GOLGA3: variants seen among roughly 807,000 people sequenced by gnomAD.
GOLGA3 encodes golgin subfamily A member 3.
Under a neutral mutation model 169.4 loss-of-function variants are expected in GOLGA3, and 75 were observed. The observed-to-expected ratio is 0.44, with a 90% CI of 0.37 to 0.54. The LOEUF (loss-of-function observed/expected upper bound fraction) is 0.54, where lower values mean the gene tolerates loss of function less well. Among genes scored for constraint, GOLGA3 ranks in the 20% least tolerant of loss-of-function variants. The pLI, the probability that GOLGA3 is intolerant of heterozygous loss-of-function variation, is 0.00. For missense variants in GOLGA3, 1,899 were observed against 1,930.0 expected (o/e 0.98, Z 0.30); for synonymous variants, 824 against 822.4 (o/e 1.00, Z -0.03).
chr12:132,822,222 T>C lies in GOLGA3; in HGVS notation c.-94A>G. ...GCCATCAGCAACAGCCAAGAGCTCCTGGGAGGGGCCCTACTGTGTCTCCCA... is the reference window on the plus strand; with the variant it reads ...GCCATCAGCAACAGCCAAGAGCTCCCGGGAGGGGCCCTACTGTGTCTCCCA... On this transcript the variant is annotated 5_prime_UTR_variant, in exon 2 of 24. Transcript: ENST00000450791. 6.7e-7 allele frequency: 1 copy of C among 1,487,102 alleles called. No individual in the cohort carries two copies. The highest frequency in any genetic ancestry group is 8.8e-7 in the Non-Finnish European group (1 of 1,130,160). 92.1% of individuals were successfully genotyped at this position (1,487,102 alleles called of 1,614,324 possible).
At chr12:132,826,083 T>A in intron 1 of GOLGA3, 1 of 1,446,478 alleles carries the variant, frequency 6.9e-7, no homozygotes, top group East Asian at 2.3e-5. Flanking sequence ...ATCGTCACAG[T>A]GGGCGAGTGC....
At chr12:132,788,183 A>G (rs1022631011) in intron 13 of GOLGA3, among the ~76,000 whole-genome samples, 1 of 151,994 alleles carries the variant, frequency 6.6e-6, no homozygotes, top group African/African-American at 2.4e-5. Flanking sequence ...TCACTTTCCA[A>G]CAATGATGGT....
chr12:132,780,140 G>A (rs1273404060), intron 18 of GOLGA3, among the ~76,000 whole-genome samples: 15 of 124,118 alleles, frequency 1.2e-4, no homozygotes, highest in Admixed American at 1.1e-3. Context: ...CCAGGCACAC[G>A]TGTGTACAGA....
In GOLGA3 at chr12:132,772,934, C is replaced by T. The variant is rs917016429; in HGVS notation, c.*171G>A. 1.8e-5 allele frequency: 10 copies of T among 542,320 alleles called. No homozygotes were observed. Among genetic ancestry groups the T allele is most frequent in the South Asian group, 1.2e-4 (5 of 40,126 alleles). The allele number at this position is 542,320 out of a possible 1,614,324, so 33.6% of individuals were successfully genotyped here. A position where few individuals can be genotyped will look rare whatever the true frequency, so the allele number is the denominator to read the frequency against. On this transcript the variant is annotated 3_prime_UTR_variant, in exon 24 of 24. Transcript: ENST00000450791. Reference sequence around the variant, plus strand: ...CATGTGAAAAGCTAATTGTGATCTTCGAATGTTTTTCTAGTCCTTGGCTCT... The same window carrying T: ...CATGTGAAAAGCTAATTGTGATCTTTGAATGTTTTTCTAGTCCTTGGCTCT...
intron 1 of GOLGA3, among the ~76,000 whole-genome samples, chr12:132,826,432 T>C (rs1176440660): frequency 6.6e-6 from 1 of 151,754 alleles, no homozygotes; most frequent in East Asian, 1.9e-4. Flanking sequence ...CGCCTGGGCC[T>C]TACACTGACC....
At chr12:132,793,952 C>G (rs1278193914) in intron 11 of GOLGA3, among the ~76,000 whole-genome samples, 2 of 152,194 alleles carry the variant, frequency 1.3e-5, no homozygotes, top group African/African-American at 2.4e-5. Context: ...CATGCAAATC[C>G]TAGTTATCAC....
chr12:132,771,840 G>A lies in GOLGA3; in HGVS notation c.*1265C>T, dbSNP rs1449402394. The A allele has an allele frequency of 6.7e-6, 1 of 148,570 alleles. No homozygotes were observed. The highest frequency in any genetic ancestry group is 1.5e-5 in the Non-Finnish European group (1 of 65,522). The allele number at this position is 148,570 out of a possible 1,614,324, so 9.2% of individuals were successfully genotyped here. A position where few individuals can be genotyped will look rare whatever the true frequency, so the allele number is the denominator to read the frequency against. On this transcript the variant is annotated 3_prime_UTR_variant, in exon 24 of 24. Coordinates refer to ENST00000450791, the MANE Select transcript of GOLGA3 (RefSeq NM_001389683.1). ...GCGGGAGTCGCTGCAGGGAGCCCCT[G>A]GTCTGCTCTCCTCCTCCTCCTCCAC...
intron 7 of GOLGA3, among the ~76,000 whole-genome samples, chr12:132,802,969 C>T (rs1280569550): frequency 3.3e-5 from 5 of 152,160 alleles, no homozygotes; most frequent in African/African-American, 4.8e-5. Flanking sequence ...GCAGGAGAAT[C>T]GCTTGAACCT....
intron 20 of GOLGA3, 52 bp from the exon 21 acceptor site, chr12:132,776,808 C>A: frequency 6.2e-7 from 1 of 1,600,398 alleles, no homozygotes. Context: ...GGCTTTACTG[C>A]CCTGGAAAAT....
At chr12:132,784,025 G>A in intron 16 of GOLGA3, 139 bp downstream of exon 16, 8 of 1,524,122 alleles carry the variant, frequency 5.2e-6, no homozygotes, top group Non-Finnish European at 7.0e-6. Context: ...GAGGCCGACG[G>A]TCAGAAGGTG....
intron 8 of GOLGA3, among the ~76,000 whole-genome samples, chr12:132,801,490 A>G (rs1949124190): frequency 6.6e-6 from 1 of 152,108 alleles, no homozygotes; most frequent in South Asian, 2.1e-4. Context: ...ATGAGGATTC[A>G]CCGGCATGTG....
chr12:132,784,098 G>A, intron 16 of GOLGA3, 66 bp downstream of exon 16: 5 of 1,597,390 alleles, frequency 3.1e-6, no homozygotes, highest in Non-Finnish European at 4.2e-6. Context: ...TCTCACGCGT[G>A]GCGGCATGTC....
At chr12:132,816,866 G>A (rs1305391343) in intron 2 of GOLGA3, 54 bp from the exon 3 acceptor site, 68 of 1,475,056 alleles carry the variant, frequency 4.6e-5, no homozygotes, top group Non-Finnish European at 5.7e-5. Context: ...AGGTGACGTC[G>A]CTTTTCAGAC....
intron 17 of GOLGA3, among the ~76,000 whole-genome samples, chr12:132,781,119 C>T (rs973324415): frequency 1.4e-4 from 21 of 152,190 alleles, no homozygotes; most frequent in Non-Finnish European, 2.5e-4. Context: ...GAACGTGGCA[C>T]GCCTGTGGGC....
rs1423075920 is a variant in GOLGA3 at position 132,801,944 on chromosome 12, T to G, written c.1623A>C (p.Thr541=). Residue 541 remains threonine, a synonymous_variant, in exon 8 of 24, where the codon ACA becomes ACC. Transcript: ENST00000450791. The part of the protein sequence containing the change: ...NTVHDLRQQM[T]ALQSQLQQVQ... ...CCTGCTGAAGCTGGCTCTGCAAGGC[T>G]GTCATCTGCTGTCGCAGGTCGTGCA... 6.3e-7 allele frequency: 1 copy of G among 1,599,088 alleles called. No individual in the cohort carries two copies. Among genetic ancestry groups the G allele is most frequent in the Non-Finnish European group, 8.5e-7 (1 of 1,178,752 alleles).
At position 132,808,515 on chromosome 12, in the gene GOLGA3, C is replaced by T. The variant is rs1271438463; in HGVS notation, c.554G>A (p.Ser185Asn). 2.2e-5 allele frequency: 35 copies of T among 1,595,690 alleles called. No homozygotes were observed. The highest frequency in any genetic ancestry group is 2.9e-5 in the Non-Finnish European group (34 of 1,170,322). Residue 185 changes from serine to asparagine, a missense_variant, in exon 5 of 24, where the codon AGC becomes AAC. By Grantham distance (46) the Ser-to-Asn change is conservative. Coordinates refer to ENST00000450791, the MANE Select transcript of GOLGA3 (RefSeq NM_001389683.1). ...TAACATGAGCTCAGGATCAAGCGTG[C>T]TAAAAAGTCTCGTTTTGGTTGCAGG... ...SQPATKTRLF[S>N]TLDPELMLNP...
In GOLGA3 at chr12:132,807,892, T is replaced by C; in HGVS notation, c.1177A>G (p.Ser393Gly). 1 of 1,068,072 alleles carries C rather than the reference T, an allele frequency of 9.4e-7. No individual in the cohort carries two copies. Among genetic ancestry groups the C allele is most frequent in the Non-Finnish European group, 1.3e-6 (1 of 772,262 alleles). 66.2% of individuals were successfully genotyped at this position (1,068,072 alleles called of 1,614,324 possible). Residue 393 changes from serine to glycine, a missense_variant and splice_region_variant, in exon 5 of 24, where the codon AGC becomes GGC. Physicochemically the swap from Ser to Gly is moderately conservative, Grantham distance 56. Transcript: ENST00000450791. Reference protein sequence around the residue: ...VRSRRDSICSSVSLESSAAET... With the variant: ...VRSRRDSICSGVSLESSAAET... ...GCCCACCTCTGCTGTCCCCACCACC[T>C]GCTGCAGATGCTGTCTCTCCGACTC... is the stretch of plus-strand genomic sequence containing the variant.
In GOLGA3 at chr12:132,798,278, C is replaced by A. The variant is rs141963739; in HGVS notation, c.1938+62G>T. 5.9e-3 allele frequency: 8,600 copies of A among 1,462,190 alleles called. 36 individuals carry two copies. Among genetic ancestry groups the A allele is most frequent in the Non-Finnish European group, 7.4e-3 (7,985 of 1,078,914 alleles). The allele number at this position is 1,462,190 out of a possible 1,614,324, so 90.6% of individuals were successfully genotyped here. A position where few individuals can be genotyped will look rare whatever the true frequency, so the allele number is the denominator to read the frequency against. On this transcript the variant is annotated intron_variant, in intron 9 of 23. Transcript: ENST00000450791. Reference sequence around the variant, plus strand: ...GAGAGACGGAACATGTAAGAAAACACACATGGTATCGATGTCTGCGTCTGT... The same window carrying A: ...GAGAGACGGAACATGTAAGAAAACAAACATGGTATCGATGTCTGCGTCTGT...
chr12:132,775,339 A>G (rs756488777), intron 21 of GOLGA3, 34 bp from the exon 22 acceptor site: 23 of 1,573,424 alleles, frequency 1.5e-5, no homozygotes, highest in Non-Finnish European at 2.0e-5. Flanking sequence ...TTAAAAGCTA[A>G]CAGATCTTAA....
Sources: gnomAD v4.1 joint callset for allele counts (sites outside exome capture counted in the v4.1 genomes callset) on GRCh38, gnomAD v4.1.1 for gene constraint, MANE v1.5 for transcripts, NCBI Gene and HGNC (gene_info 2026-07-23, HGNC 2026-07-21) for gene names.